Variants in USP7 observed in about 807,000 individuals in gnomAD.
USP7 encodes ubiquitin C-terminal hydrolase 7.
USP7 carries 9 observed loss-of-function variants against 162.9 expected under a neutral mutation model. That is an observed-to-expected ratio of 0.06 (90% confidence interval 0.03 to 0.10). The LOEUF (loss-of-function observed/expected upper bound fraction) is 0.10, where lower values mean the gene tolerates loss of function less well. USP7 is among the 10% of genes least tolerant of loss of function. USP7 has a pLI of 1.00. For synonymous variants in USP7, 562 were observed against 475.9 expected (o/e 1.18, Z -2.35); for missense variants, 715 against 1,373.7 (o/e 0.52, Z 7.58).
chr16:8,940,426 C>T (rs1253930637), intron 1 of USP7, among the ~76,000 whole-genome samples: 1 of 152,174 alleles, frequency 6.6e-6, no homozygotes, highest in Non-Finnish European at 1.5e-5. Flanking sequence ...CAACGAGAGG[C>T]AGAAGGTGTA....
intron 25 of USP7, 89 bp downstream of exon 25, chr16:8,898,270 TG>T: frequency 9.2e-7 from 1 of 1,089,928 alleles, no homozygotes; most frequent in South Asian, 1.4e-5. Context: ...TGTTTTTCTG[TG>T]GTGTCTTAGT....
intron 16 of USP7, among the ~76,000 whole-genome samples, chr16:8,903,002 G>A (rs1430446121): frequency 2.0e-5 from 3 of 152,162 alleles, no homozygotes; most frequent in Non-Finnish European, 4.4e-5. Flanking sequence ...GAGGGGGTAG[G>A]GGTGCAGGGA....
intron 10 of USP7, among the ~76,000 whole-genome samples, chr16:8,913,940 G>A (rs771224242): frequency 2.0e-5 from 3 of 151,802 alleles, no homozygotes; most frequent in Non-Finnish European, 2.9e-5. Context: ...GTCTCACTAT[G>A]TTGCCCAGGC....
In USP7 at chr16:8,908,520, C is replaced by T. The variant is rs547895630; in HGVS notation, c.1162-70G>A. The T allele has an allele frequency of 4.2e-5, 57 of 1,357,382 alleles. 1 individual carries two copies. Among genetic ancestry groups the T allele is most frequent in the Middle Eastern group, 1.8e-4 (1 of 5,428 alleles). 84.1% of individuals were successfully genotyped at this position (1,357,382 alleles called of 1,614,324 possible). A position where few individuals can be genotyped will look rare whatever the true frequency, so the allele number is the denominator to read the frequency against. On this transcript the variant is annotated intron_variant, in intron 11 of 30. Transcript: ENST00000344836. ...CTCCTGGAAGCAATGAAAGCAACAG[C>T]GGTTCAGCAAGATTGGAACATGTCT...
chr16:8,930,424 G>C, intron 1 of USP7, 27 bp from the exon 2 acceptor site: 2 of 1,557,770 alleles, frequency 1.3e-6, no homozygotes, highest in South Asian at 2.3e-5. Context: ...GAAATTCCAC[G>C]GGTTTTACAT....
chr16:8,934,684 G>T (rs1677490), intron 1 of USP7, among the ~76,000 whole-genome samples: 1 of 152,188 alleles, frequency 6.6e-6, no homozygotes, highest in East Asian at 1.9e-4. Flanking sequence ...ACACATCTGA[G>T]TTGGTGTGGC....
chr16:8,955,148 A>C (rs1469387218), intron 1 of USP7, among the ~76,000 whole-genome samples: 2 of 152,214 alleles, frequency 1.3e-5, no homozygotes, highest in Non-Finnish European at 2.9e-5. Flanking sequence ...TTCTAAGAAT[A>C]ACCGCTGAAA....
chr16:8,912,644 G>GA (rs1245471073), intron 10 of USP7, among the ~76,000 whole-genome samples: 1 of 151,412 alleles, frequency 6.6e-6, no homozygotes, highest in Non-Finnish European at 1.5e-5. Flanking sequence ...AGCATACTAA[G>GA]AAGAGACACA....
chr16:8,939,454 G>C (rs1898930599), intron 1 of USP7, among the ~76,000 whole-genome samples: 1 of 152,236 alleles, frequency 6.6e-6, no homozygotes, highest in African/African-American at 2.4e-5. Context: ...GTCCTTTCCA[G>C]ATAGAGGAAA....
intron 29 of USP7, 44 bp from the exon 30 acceptor site, chr16:8,894,684 C>T (rs1432649464): frequency 1.9e-6 from 3 of 1,611,692 alleles, no homozygotes; most frequent in South Asian, 2.2e-5. Context: ...TTCTGTATAT[C>T]AGCAAAACTC....
chr16:8,935,925 GACC>G (rs1898687178), intron 1 of USP7: 1 of 152,140 alleles, frequency 6.6e-6, no homozygotes, highest in Non-Finnish European at 1.5e-5. Flanking sequence ...AAGTTACGTA[GACC>G]ACTTCAGCAC....
intron 2 of USP7, among the ~76,000 whole-genome samples, chr16:8,927,464 A>G (rs1898075067): frequency 6.6e-6 from 1 of 152,200 alleles, no homozygotes; most frequent in Non-Finnish European, 1.5e-5. Context: ...ACTTCTTGCA[A>G]GTCCTAGTCA....
intron 2 of USP7, among the ~76,000 whole-genome samples, chr16:8,928,346 G>A (rs984293411): frequency 2.6e-5 from 4 of 152,248 alleles, no homozygotes; most frequent in Middle Eastern, 3.4e-3. Context: ...CTCAAAAAAA[G>A]GGGGAGCTCT....
intron 1 of USP7, among the ~76,000 whole-genome samples, chr16:8,942,735 GACTGGGTCTC>G (rs1449437893): frequency 6.6e-6 from 1 of 152,108 alleles, no homozygotes; most frequent in Non-Finnish European, 1.5e-5. Flanking sequence ...TTTTTGTAGA[GACTGGGTCTC>G]ACTATGTTGT....
At chr16:8,962,354 C>T (rs1166082364) in intron 1 of USP7, 1 of 198,276 alleles carries the variant, frequency 5.0e-6, no homozygotes, top group Non-Finnish European at 1.1e-5. Context: ...ACGACCAACT[C>T]CCTAAATCCA....
At chr16:8,924,279 C>A (rs997386013) in intron 2 of USP7, among the ~76,000 whole-genome samples, 1 of 152,248 alleles carries the variant, frequency 6.6e-6, no homozygotes, top group Admixed American at 6.5e-5. Context: ...TCCTCCCACA[C>A]CCACACCAAT....
At chr16:8,939,706 A>G (rs1196218649) in intron 1 of USP7, among the ~76,000 whole-genome samples, 1 of 152,212 alleles carries the variant, frequency 6.6e-6, no homozygotes, top group Non-Finnish European at 1.5e-5. Flanking sequence ...TTGCTCGTGC[A>G]CTTTTTCTCA....
At chr16:8,919,444 C>G (rs1897558549) in intron 5 of USP7, among the ~76,000 whole-genome samples, 1 of 152,044 alleles carries the variant, frequency 6.6e-6, no homozygotes, top group African/African-American at 2.4e-5. Flanking sequence ...ACCCAACATG[C>G]CTCATGGTAG....
In USP7 at chr16:8,902,387, A is replaced by G; in HGVS notation, c.1935T>C (p.Asn645=). The G allele has an allele frequency of 6.2e-7, 1 of 1,613,918 alleles. No individual in the cohort carries two copies. The highest frequency in any genetic ancestry group is 8.5e-7 in the Non-Finnish European group (1 of 1,179,926). ...CGCTATTAACAATATTTACTGTTTT[A>G]TTGCCGTCGGCTTCATTATCTAACA... The part of the protein sequence containing the change: ...PAMLDNEADG[N]KTMIELSDNE... Residue 645 remains asparagine (N), a synonymous_variant, in exon 17 of 31, where the codon AAT becomes AAC. Transcript: ENST00000344836.
Sources: gnomAD v4.1 joint callset for allele counts (sites outside exome capture counted in the v4.1 genomes callset) on GRCh38, gnomAD v4.1.1 for gene constraint, MANE v1.5 for transcripts, NCBI Gene and HGNC (gene_info 2026-07-23, HGNC 2026-07-21) for gene names.